The following FERMT1 variants were observed in gnomAD, a reference collection of about 807,000 sequenced individuals.
The protein encoded by FERMT1 is fermitin family homolog 1.
In FERMT1, 60 loss-of-function variants were observed where a neutral mutation model predicts 85.3. That is an observed-to-expected ratio of 0.70 (90% CI 0.57 to 0.87). The LOEUF (loss-of-function observed/expected upper bound fraction) is 0.87. FERMT1 is among the 40% of genes least tolerant of loss of function. FERMT1 has a pLI of 0.00. For missense variants in FERMT1, 701 were observed against 818.9 expected (o/e 0.86, Z 1.76); for synonymous variants, 275 against 301.1 (o/e 0.91, Z 0.90).
chr20:6,096,256 T>A (rs769504085), intron 8 of FERMT1, among the ~76,000 whole-genome samples: 3 of 152,236 alleles, frequency 2.0e-5, no homozygotes, highest in Non-Finnish European at 4.4e-5. Flanking sequence ...CCGGTCACAG[T>A]GGCTCATGCC....
chr20:6,086,717 G>C (rs549395655), intron 11 of FERMT1, among the ~76,000 whole-genome samples: 14 of 152,244 alleles, frequency 9.2e-5, no homozygotes, highest in African/African-American at 3.1e-4. Flanking sequence ...TGGTTTAAAA[G>C]TGTGTGGCAC....
At chr20:6,078,334 C>T (rs777154371) in intron 14 of FERMT1, among the ~76,000 whole-genome samples, 2 of 152,220 alleles carry the variant, frequency 1.3e-5, no homozygotes, top group Non-Finnish European at 2.9e-5. Context: ...ATTATCAACA[C>T]TGCTGAGAGG....
intron 6 of FERMT1, among the ~76,000 whole-genome samples, chr20:6,103,662 T>C (rs1982720479): frequency 6.6e-6 from 1 of 152,138 alleles, no homozygotes; most frequent in African/African-American, 2.4e-5. Context: ...ATTAGTCTTC[T>C]GGGTTGTTGG....
chr20:6,090,464 A>T (rs1209496134), intron 9 of FERMT1, among the ~76,000 whole-genome samples: 2 of 143,398 alleles, frequency 1.4e-5, no homozygotes, highest in East Asian at 4.0e-4. Flanking sequence ...GTTGCACATT[A>T]AAAAAAAAAA....
Position 6,079,552 on chromosome 20 carries a change from T to C in FERMT1, c.1744A>G (p.Ile582Val), listed in dbSNP as rs753749103. Residue 582 changes from isoleucine (I) to valine (V), a missense_variant, in exon 14 of 15, where the codon ATT becomes GTT. By Grantham distance (29) the Ile-to-Val change is conservative. Transcript: ENST00000217289. ...AACCTGTTATATGAAACTCCCAGAATGTCATCTTTTTTGCTTCCTTTAAAT... is the reference window on the plus strand; with the variant it reads ...AACCTGTTATATGAAACTCCCAGAACGTCATCTTTTTTGCTTCCTTTAAAT... ...VRFKGSKKDD[I>V]LGVSYNRLIK... The C allele has an allele frequency of 3.1e-6, 5 of 1,614,104 alleles. No individual in the cohort carries two copies. In the South Asian group the frequency reaches 5.5e-5, roughly 18 times the overall value.
Position 6,107,613 on chromosome 20 carries a change from G to A in FERMT1, c.768C>T (p.Ser256=). The A allele has an allele frequency of 6.2e-7, 1 of 1,610,266 alleles. No individual in the cohort carries two copies. Among genetic ancestry groups the A allele is most frequent in the Non-Finnish European group, 8.5e-7 (1 of 1,176,790 alleles). Residue 256 remains serine, a synonymous_variant, in exon 6 of 15, where the codon TCC becomes TCT. Coordinates refer to ENST00000217289, the MANE Select transcript of FERMT1 (RefSeq NM_017671.5). ...LNAGWLDSSR[S]LMEQGIQEDE... ...CCTCTTGGATGCCTTGTTCCATAAG[G>A]GAGCGTGAGGAGTCTAGCCAACTAG...
At position 6,077,298 on chromosome 20, in the gene FERMT1, T is replaced by G; in HGVS notation, c.1909A>C (p.Ser637Arg). 6.2e-7 allele frequency: 1 copy of G among 1,614,156 alleles called. No homozygotes were observed. The highest frequency in any genetic ancestry group is 8.5e-7 in the Non-Finnish European group (1 of 1,180,036). The stretch of plus-strand genomic sequence containing the variant: ...TCGTGCACAATCTTGCAATCTGCAC[T>G]CAGGCAGGTGAAAGCAGTAAAGACG... ...QNVFTAFTCLSADCKIVHEYI... is the reference protein window; with the variant it reads ...QNVFTAFTCLRADCKIVHEYI... The change falls in exon 15 of 15, where the codon AGT (serine) becomes CGT (arginine). Residue 637 changes from serine to arginine, a missense_variant. By Grantham distance (110) the Ser-to-Arg change is moderately radical. Transcript: ENST00000217289.
intron 3 of FERMT1, among the ~76,000 whole-genome samples, chr20:6,113,609 T>C (rs1983020111): frequency 6.6e-6 from 1 of 152,142 alleles, no homozygotes; most frequent in African/African-American, 2.4e-5. Flanking sequence ...GAGGCTTTGC[T>C]CTGATGGCTC....
At chr20:6,097,309 G>A (rs1036801606) in intron 7 of FERMT1, among the ~76,000 whole-genome samples, 3 of 152,232 alleles carry the variant, frequency 2.0e-5, no homozygotes, top group Admixed American at 6.5e-5. Context: ...TACAGAGGAT[G>A]TGAGCGTGTG....
At position 6,077,455 on chromosome 20, in the gene FERMT1, G is replaced by C. The variant is rs543382922; in HGVS notation, c.1861-109C>G. 1.5e-4 allele frequency: 149 copies of C among 967,282 alleles called. 1 individual carries two copies. In the African/African-American group the frequency reaches 1.8e-3, roughly 12 times the overall value. 59.9% of individuals were successfully genotyped at this position (967,282 alleles called of 1,614,324 possible). On this transcript the variant is annotated intron_variant, in intron 14 of 14. Coordinates refer to ENST00000217289, the MANE Select transcript of FERMT1 (RefSeq NM_017671.5). ...CTGAGGGCTGCTGAGGTGGATAACA[G>C]ATGGATATCCCTCTAAAACACACAG...
chr20:6,101,714 G>A lies in FERMT1; in HGVS notation c.850-4083C>T, dbSNP rs936061880. 2.6e-5 allele frequency among the ~76,000 whole-genome samples: 4 copies of A among 152,196 alleles called. No homozygotes were observed. The South Asian group carries it at 6.2e-4, about 24-fold the overall frequency. ...GTTGCCCAGGCTGGAGTGCAATGGC[G>A]CGATCTCAGCTCACTGCAACCTCTG... On this transcript the variant is annotated intron_variant, in intron 6 of 14. Transcript: ENST00000217289.
chr20:6,078,576 T>C (rs1180693859), intron 14 of FERMT1, among the ~76,000 whole-genome samples: 1 of 151,244 alleles, frequency 6.6e-6, no homozygotes, highest in Non-Finnish European at 1.5e-5. Flanking sequence ...CAACTGATCA[T>C]CCCTGGCTGA....
Position 6,084,183 on chromosome 20 carries a change from C to T in FERMT1, c.1594-19G>A, listed in dbSNP as rs2123098539. 1 of 1,605,332 alleles carries T rather than the reference C, an allele frequency of 6.2e-7. No individual in the cohort carries two copies. The highest frequency in any genetic ancestry group is 8.5e-7 in the Non-Finnish European group (1 of 1,175,906). On this transcript the variant is annotated intron_variant, in intron 12 of 14. Transcript: ENST00000217289. ...CGGCCAGCTGAACAGAAACAGACATCAACCTCTCTTCACATGCACCGGCTG... is the reference window on the plus strand; with the variant it reads ...CGGCCAGCTGAACAGAAACAGACATTAACCTCTCTTCACATGCACCGGCTG...
chr20:6,078,034 G>A (rs6085387), intron 14 of FERMT1, among the ~76,000 whole-genome samples: 1 of 151,970 alleles, frequency 6.6e-6, no homozygotes, highest in Non-Finnish European at 1.5e-5. Context: ...GCCACTGCCC[G>A]GAACCCTTTC....
chr20:6,105,066 G>T (rs780005493), intron 6 of FERMT1, among the ~76,000 whole-genome samples: 26 of 152,172 alleles, frequency 1.7e-4, no homozygotes, highest in Non-Finnish European at 2.8e-4. Flanking sequence ...GGGAAAGCCT[G>T]ACTCACAGCG....
intron 4 of FERMT1, among the ~76,000 whole-genome samples, chr20:6,111,518 G>T (rs1982948500): frequency 6.6e-6 from 1 of 152,108 alleles, no homozygotes; most frequent in African/African-American, 2.4e-5. Flanking sequence ...TGTAATTCCA[G>T]CTACTCAGGA....
At chr20:6,106,280 C>G (rs1464250939) in intron 6 of FERMT1, among the ~76,000 whole-genome samples, 1 of 152,098 alleles carries the variant, frequency 6.6e-6, no homozygotes, top group Non-Finnish European at 1.5e-5. Context: ...TTAGAAATGA[C>G]AAGGGACAAG....
chr20:6,112,135 C>T (rs1408255503), intron 4 of FERMT1, among the ~76,000 whole-genome samples: 1 of 152,114 alleles, frequency 6.6e-6, no homozygotes, highest in Non-Finnish European at 1.5e-5. Flanking sequence ...CTCAGCCTCC[C>T]AAAGTGCTGG....
At position 6,112,467 on chromosome 20, in the gene FERMT1, C is replaced by T. The variant is rs780579097; in HGVS notation, c.532+10G>A. On this transcript the variant is annotated intron_variant, in intron 4 of 14. Coordinates refer to ENST00000217289, the MANE Select transcript of FERMT1 (RefSeq NM_017671.5). ...CGTTCAAACAACAAAACACCTGTAA[C>T]AAGTCTTACCTGATGAACCTGAAGC... 6.2e-7 allele frequency: 1 copy of T among 1,613,234 alleles called. No individual in the cohort carries two copies. Among genetic ancestry groups the T allele is most frequent in the South Asian group, 1.1e-5 (1 of 91,046 alleles).
Sources: gnomAD v4.1 joint callset for allele counts (sites outside exome capture counted in the v4.1 genomes callset) on GRCh38, gnomAD v4.1.1 for gene constraint, MANE v1.5 for transcripts, NCBI Gene and HGNC (gene_info 2026-07-23, HGNC 2026-07-21) for gene names.